Variants in EFCAB6 observed in about 807,000 individuals in gnomAD.
The protein encoded by EFCAB6 is EF-hand calcium binding domain 6.
Under a neutral mutation model 169.8 loss-of-function variants are expected in EFCAB6, and 156 were observed. The observed-to-expected ratio is 0.92, with a 90% CI of 0.81 to 1.05. EFCAB6 has a LOEUF of 1.05. EFCAB6 is among the 50% of genes least tolerant of loss of function. The pLI is 0.00. For missense variants in EFCAB6, 1,800 were observed against 1,829.1 expected (o/e 0.98, Z 0.29); for synonymous variants, 698 against 676.4 (o/e 1.03, Z -0.50).
chr22:43,772,643 A>G (rs1444389912), intron 4 of EFCAB6, among the ~76,000 whole-genome samples: 1 of 2,658 alleles, frequency 3.8e-4, no homozygotes, highest in African/African-American at 1.2e-3. Context: ...TTCTGTCTCA[A>G]AAAAAAAAAA....
intron 20 of EFCAB6, among the ~76,000 whole-genome samples, chr22:43,620,034 A>C (rs536798782): frequency 6.6e-6 from 1 of 152,306 alleles, no homozygotes; most frequent in South Asian, 2.1e-4. Context: ...AGTAGCCTGA[A>C]TGGTCTGGCG....
At chr22:43,591,883 A>G (rs1471030493) in intron 23 of EFCAB6, among the ~76,000 whole-genome samples, 1 of 152,234 alleles carries the variant, frequency 6.6e-6, no homozygotes, top group Non-Finnish European at 1.5e-5. Flanking sequence ...CACTTGATCT[A>G]TGGTGGACTG....
chr22:43,603,385 TG>T (rs1452008502), intron 22 of EFCAB6, among the ~76,000 whole-genome samples: 1 of 152,248 alleles, frequency 6.6e-6, no homozygotes, highest in Non-Finnish European at 1.5e-5. Flanking sequence ...AATTTTCAAA[TG>T]GTTCAGCAAT....
chr22:43,674,866 G>A (rs1488253408), intron 13 of EFCAB6, among the ~76,000 whole-genome samples: 1 of 152,066 alleles, frequency 6.6e-6, no homozygotes, highest in Non-Finnish European at 1.5e-5. Context: ...TCGACCGCAG[G>A]TGCACAAGCT....
At chr22:43,632,298 T>TTTTG (rs2055024569) in intron 18 of EFCAB6, 60 bp from the exon 19 acceptor site, 1 of 1,032,330 alleles carries the variant, frequency 9.7e-7, no homozygotes, top group African/African-American at 2.0e-5. Context: ...TTCCTTCTTT[T>TTTTG]TTTTTTTTTT....
At chr22:43,644,534 G>C (rs2056028082) in intron 17 of EFCAB6, among the ~76,000 whole-genome samples, 1 of 152,176 alleles carries the variant, frequency 6.6e-6, no homozygotes. Flanking sequence ...ATCCATAGCG[G>C]ATGGGACTGC....
intron 8 of EFCAB6, among the ~76,000 whole-genome samples, chr22:43,725,104 AAG>A (rs1438175826): frequency 2.0e-5 from 3 of 150,772 alleles, no homozygotes; most frequent in Non-Finnish European, 4.4e-5. Flanking sequence ...ATCACAGGGC[AAG>A]AGAGAGGCAT....
rs775385766 is a variant in EFCAB6, at chr22:43,683,854, T to C, written c.1144A>G (p.Ile382Val). ...TTGTGAGATTCATTTCTAGAGTTGA[T>C]GCTACAAGAGGATTAGGAGAAAAGC... ...SKGPLTKRNS[I>V]NSRNESHKEN... is the part of the protein sequence containing the mutation. The change falls in exon 12 of 32, where the codon ATC (isoleucine) becomes GTC (valine). Residue 382 changes from isoleucine to valine, a missense_variant and splice_region_variant. Ile to Val is a conservative substitution (Grantham distance 29). Transcript: ENST00000262726. 10 of 1,602,714 alleles carry C rather than the reference T, an allele frequency of 6.2e-6. No homozygotes were observed. Among genetic ancestry groups the C allele is most frequent in the Middle Eastern group, 3.4e-4 (2 of 5,912 alleles).
intron 27 of EFCAB6, among the ~76,000 whole-genome samples, chr22:43,546,864 C>T (rs919305450): frequency 1.4e-5 from 2 of 147,022 alleles, no homozygotes; most frequent in African/African-American, 5.1e-5. Flanking sequence ...CAGAGTGAGA[C>T]TCTGTCTCAA....
At chr22:43,578,018 CAGA>C (rs1410382725) in intron 25 of EFCAB6, among the ~76,000 whole-genome samples, 1 of 152,174 alleles carries the variant, frequency 6.6e-6, no homozygotes, top group Non-Finnish European at 1.5e-5. Flanking sequence ...GGTCGATCCT[CAGA>C]AGAAGTCATG....
At chr22:43,796,204 C>G (rs1378774522) in intron 2 of EFCAB6, among the ~76,000 whole-genome samples, 1 of 152,142 alleles carries the variant, frequency 6.6e-6, no homozygotes, top group Non-Finnish European at 1.5e-5. Context: ...CAGTGTCAGC[C>G]AGGTTTCCTT....
At chr22:43,555,137 A>C in intron 26 of EFCAB6, 41 bp from the exon 27 acceptor site, 2 of 1,604,376 alleles carry the variant, frequency 1.2e-6, no homozygotes, top group Non-Finnish European at 1.7e-6. Flanking sequence ...GTGAGAAATA[A>C]TCGACCACCT....
intron 23 of EFCAB6, among the ~76,000 whole-genome samples, chr22:43,597,919 C>T (rs911992579): frequency 1.3e-5 from 2 of 152,140 alleles, no homozygotes; most frequent in African/African-American, 4.8e-5. Context: ...TCGTCATTCA[C>T]AGCAAGATGG....
At chr22:43,631,513 G>A (rs902379476) in intron 19 of EFCAB6, among the ~76,000 whole-genome samples, 2 of 152,036 alleles carry the variant, frequency 1.3e-5, no homozygotes, top group African/African-American at 4.8e-5. Flanking sequence ...GGCCAGCCCA[G>A]GCTTAGGCCT....
chr22:43,596,532 G>C (rs775733416), intron 23 of EFCAB6, among the ~76,000 whole-genome samples: 1 of 151,852 alleles, frequency 6.6e-6, no homozygotes, highest in Non-Finnish European at 1.5e-5. Context: ...CTAAAAATCA[G>C]CTGAACCAAA....
intron 2 of EFCAB6, among the ~76,000 whole-genome samples, chr22:43,804,604 T>C (rs190011687): frequency 1.2e-4 from 19 of 152,016 alleles, no homozygotes; most frequent in African/African-American, 3.9e-4. Context: ...ACAAAAACTT[T>C]TTTTAAAAAA....
chr22:43,656,048 G>C (rs1172372131), intron 17 of EFCAB6, among the ~76,000 whole-genome samples: 1 of 152,208 alleles, frequency 6.6e-6, no homozygotes, highest in Non-Finnish European at 1.5e-5. Context: ...CAATCGGATG[G>C]AAGACCTTAA....
chr22:43,686,691 C>T (rs1945123207), intron 11 of EFCAB6, among the ~76,000 whole-genome samples: 1 of 152,028 alleles, frequency 6.6e-6, no homozygotes, highest in African/African-American at 2.4e-5. Context: ...TCACAAATCC[C>T]CGAGACAGGG....
At chr22:43,555,483 G>C (rs948081568) in intron 26 of EFCAB6, among the ~76,000 whole-genome samples, 2 of 152,244 alleles carry the variant, frequency 1.3e-5, no homozygotes, top group East Asian at 3.8e-4. Flanking sequence ...GGAATGAACA[G>C]GGATTGGCAC....
Sources: gnomAD v4.1 joint callset for allele counts (sites outside exome capture counted in the v4.1 genomes callset) on GRCh38, gnomAD v4.1.1 for gene constraint, MANE v1.5 for transcripts, NCBI Gene and HGNC (gene_info 2026-07-23, HGNC 2026-07-21) for gene names.